The following SCUBE2 variants were observed in gnomAD, a reference collection of about 807,000 sequenced individuals.
The protein encoded by SCUBE2 is signal peptide, CUB domain and EGF like domain containing 2.
Under a neutral mutation model 125.9 loss-of-function variants are expected in SCUBE2, and 114 were observed. The observed-to-expected ratio is 0.91, with a 90% CI of 0.78 to 1.06. The LOEUF is 1.06. Ranked by LOEUF, SCUBE2 falls within the 50% of genes least tolerant of loss-of-function variation. The pLI is 0.00. For missense variants in SCUBE2, 1,255 were observed against 1,301.8 expected (o/e 0.96, Z 0.55); for synonymous variants, 459 against 492.9 (o/e 0.93, Z 0.91).
chr11:9,052,958 C>T (rs537282984), intron 12 of SCUBE2, 126 bp from the exon 13 acceptor site: 33 of 1,027,386 alleles, frequency 3.2e-5, no homozygotes, highest in South Asian at 1.1e-4. Flanking sequence ...TATGGGGTCT[C>T]GAAGCATGGA....
At chr11:9,025,592 T>C (rs1439192408) in intron 21 of SCUBE2, 110 bp downstream of exon 21, 10 of 1,367,992 alleles carry the variant, frequency 7.3e-6, no homozygotes, top group Non-Finnish European at 1.0e-5. Flanking sequence ...TCCCCTCATC[T>C]TGCCTGCCTT....
intron 16 of SCUBE2, among the ~76,000 whole-genome samples, chr11:9,042,422 C>A (rs1378920698): frequency 1.3e-5 from 2 of 152,142 alleles, no homozygotes; most frequent in East Asian, 3.9e-4. Context: ...TTCCATTCTA[C>A]CATCAGATGC....
At chr11:9,059,184 A>G (rs1161880908) in intron 9 of SCUBE2, 119 bp downstream of exon 9, 4 of 1,170,898 alleles carry the variant, frequency 3.4e-6, no homozygotes, top group Non-Finnish European at 4.8e-6. Flanking sequence ...TAGGAAGGAG[A>G]TTGGATTAGT....
At chr11:9,073,476 C>G (rs954832658) in intron 4 of SCUBE2, among the ~76,000 whole-genome samples, 9 of 152,092 alleles carry the variant, frequency 5.9e-5, no homozygotes, top group African/African-American at 1.5e-4. Context: ...GAGCTGCCAT[C>G]CTTGGAAAAT....
intron 18 of SCUBE2, 87 bp from the exon 19 acceptor site, chr11:9,030,132 A>G (rs1566167205): frequency 6.9e-7 from 1 of 1,455,908 alleles, no homozygotes; most frequent in Non-Finnish European, 9.3e-7. Context: ...AGTTTGTGAA[A>G]GAAATGTTTA....
intron 2 of SCUBE2, among the ~76,000 whole-genome samples, chr11:9,085,275 T>C (rs1211187615): frequency 5.3e-5 from 8 of 152,194 alleles, no homozygotes; most frequent in Admixed American, 5.2e-4. Flanking sequence ...ATTGTGCCAG[T>C]GTTGATTTCC....
At chr11:9,023,766 C>A (rs1855501363) in intron 21 of SCUBE2, among the ~76,000 whole-genome samples, 1 of 152,114 alleles carries the variant, frequency 6.6e-6, no homozygotes, top group African/African-American at 2.4e-5. Flanking sequence ...TCTATAAAAT[C>A]AGGAAATAAT....
At chr11:9,023,236 T>C (rs1052360209) in intron 21 of SCUBE2, among the ~76,000 whole-genome samples, 3 of 152,152 alleles carry the variant, frequency 2.0e-5, no homozygotes, top group Admixed American at 6.6e-5. Flanking sequence ...ATCATTGAAA[T>C]TGTGTGAGAG....
At position 9,052,823 on chromosome 11, in the gene SCUBE2, C is replaced by G; in HGVS notation, c.1457G>C (p.Gly486Ala). 1.3e-6 allele frequency: 2 copies of G among 1,536,588 alleles called. No homozygotes were observed. The highest frequency in any genetic ancestry group is 1.7e-6 in the Non-Finnish European group (2 of 1,146,348). Residue 486 changes from glycine to alanine, a missense_variant, in exon 13 of 23, where the codon GGG becomes GCG. Gly to Ala is a moderately conservative substitution (Grantham distance 60, BLOSUM62 0). This residue lies in a region of SCUBE2 where 378 missense variants were observed against 463.1 expected (regional missense o/e 0.82). Transcript: ENST00000649792. ...SGIHLSSGLQ[G>A]AYSVTCGSSS... ...AGAGCCACAGGTGACAGAGTAGGCC[C>G]CTTGCAGTCCTGACAGACAGAATGT... is the stretch of plus-strand genomic sequence containing the variant.
rs186700549 is a variant in SCUBE2, at chr11:9,067,554, T to G, written c.644-741A>C. On this transcript the variant is annotated intron_variant, in intron 5 of 22. Coordinates refer to ENST00000649792, the MANE Select transcript of SCUBE2 (RefSeq NM_001367977.2). ...CAAAAGAACTAATTACATATTTGTG[T>G]TGTCCTGTGATTATAGCTGTGTAAA... Among the ~76,000 whole-genome samples, 305 of 152,306 alleles carry G rather than the reference T, an allele frequency of 2.0e-3. 1 individual carries two copies. The highest frequency in any genetic ancestry group is 7.1e-3 in the African/African-American group (295 of 41,566).
rs545314901 is a variant in SCUBE2 at position 9,091,024 on chromosome 11, G to A, written c.133+372C>T. 8.0e-4 allele frequency among the ~76,000 whole-genome samples: 122 copies of A among 152,308 alleles called. No homozygotes were observed. The highest frequency in any genetic ancestry group is 2.7e-3 in the African/African-American group (114 of 41,576). ...GAAACGGCAAAGCTGCCACCGCCTCGCGGATGTGCCCGGCCCGGCCCTCAG... is the reference window on the plus strand; with the variant it reads ...GAAACGGCAAAGCTGCCACCGCCTCACGGATGTGCCCGGCCCGGCCCTCAG... On this transcript the variant is annotated intron_variant, in intron 1 of 22. Coordinates refer to ENST00000649792, the MANE Select transcript of SCUBE2 (RefSeq NM_001367977.2). This position sits in a 1 kb window ranked among gnomAD's most constrained non-coding sequence, Gnocchi z 8.5.
rs1862664352 is a variant in SCUBE2, at chr11:9,091,139, T to C, written c.133+257A>G. ...CGGCGACGGTCTGACTAGCAGGCGC[T>C]CTGGAGGCATCCGGACCGGGGCGGG... On this transcript the variant is annotated intron_variant, in intron 1 of 22. Transcript: ENST00000649792. This position sits in a 1 kb window ranked among gnomAD's most constrained non-coding sequence, Gnocchi z 8.5. Among the ~76,000 whole-genome samples the C allele has an allele frequency of 3.9e-5, 6 of 152,178 alleles. No homozygotes were observed. The South Asian group carries it at 1.2e-3, about 32-fold the overall frequency.
At chr11:9,064,570 G>C (rs568918093) in intron 7 of SCUBE2, 2 of 151,930 alleles carry the variant, frequency 1.3e-5, no homozygotes, top group Non-Finnish European at 2.9e-5. Flanking sequence ...GAAACAGCTC[G>C]AAGAATTGAC....
chr11:9,044,417 A>G (rs1349723087), intron 16 of SCUBE2, among the ~76,000 whole-genome samples: 4 of 152,080 alleles, frequency 2.6e-5, no homozygotes, highest in Admixed American at 1.3e-4. Context: ...CAACATAGTG[A>G]GACAGAGTGT....
chr11:9,079,963 A>G, intron 2 of SCUBE2, among the ~76,000 whole-genome samples: 1 of 152,242 alleles, frequency 6.6e-6, no homozygotes. Flanking sequence ...GCTTATTGTA[A>G]AATTTATATG....
intron 16 of SCUBE2, among the ~76,000 whole-genome samples, chr11:9,044,180 T>A (rs996648214): frequency 1.2e-4 from 19 of 152,232 alleles, no homozygotes; most frequent in African/African-American, 4.6e-4. Flanking sequence ...TGCTCCGCTA[T>A]CATGTTAGAG....
chr11:9,091,356 G>T lies in SCUBE2; in HGVS notation c.133+40C>A. ...GGACCTAAACACTCTTCCTGGCCCT[G>T]CCTGCTGTGCCAGGTGCGCCCCCGC... On this transcript the variant is annotated intron_variant, in intron 1 of 22. Transcript: ENST00000649792. This position sits in a 1 kb window ranked among gnomAD's most constrained non-coding sequence, Gnocchi z 8.5. 7.8e-7 allele frequency: 1 copy of T among 1,284,808 alleles called. No homozygotes were observed. Among genetic ancestry groups the T allele is most frequent in the South Asian group, 2.5e-5 (1 of 39,220 alleles). 79.6% of individuals were successfully genotyped at this position (1,284,808 alleles called of 1,614,324 possible). A position where few individuals can be genotyped will look rare whatever the true frequency, so the allele number is the denominator to read the frequency against.
rs184420295 is a variant in SCUBE2, at chr11:9,079,106, A to G, written c.382+278T>C. Among the ~76,000 whole-genome samples the G allele has an allele frequency of 1.9e-4, 29 of 152,328 alleles. No individual in the cohort carries two copies. In the East Asian group the frequency reaches 5.0e-3, roughly 26 times the overall value. On this transcript the variant is annotated intron_variant, in intron 3 of 22. Transcript: ENST00000649792. The stretch of plus-strand genomic sequence containing the variant: ...TATAAGTCAGGACTCTCAACACAAG[A>G]CCAAAGATCTTAAAAGGTGACAAGC...
chr11:9,044,919 TGG>T (rs2135356544), intron 16 of SCUBE2, among the ~76,000 whole-genome samples: 1 of 152,306 alleles, frequency 6.6e-6, no homozygotes, highest in East Asian at 1.9e-4. Context: ...GTCTGCACTT[TGG>T]GGGAGTACGC....
Sources: gnomAD v4.1 joint callset for allele counts (sites outside exome capture counted in the v4.1 genomes callset) on GRCh38, gnomAD v4.1.1 for gene constraint, gnomAD v4.1.1 regional missense constraint, Gnocchi (gnomAD v3.1) non-coding constraint, MANE v1.5 for transcripts, NCBI Gene and HGNC (gene_info 2026-07-23, HGNC 2026-07-21) for gene names.